Variants in HEATR4 observed in about 807,000 individuals in gnomAD.
HEATR4 encodes the protein HEAT repeat-containing protein 4.
HEATR4 carries 95 observed loss-of-function variants against 108.8 expected under a neutral mutation model. The ratio of observed to expected loss-of-function variants is 0.87; its 90% CI spans 0.74 to 1.04. HEATR4 has a LOEUF of 1.04. HEATR4 is among the 50% of genes least tolerant of loss of function. HEATR4 has a pLI of 0.00. For synonymous variants in HEATR4, 443 were observed against 459.4 expected (o/e 0.96, Z 0.46); for missense variants, 1,152 against 1,253.8 (o/e 0.92, Z 1.23).
At chr14:73,599,566 G>A in the HEATR4 span, among the ~76,000 whole-genome samples, 21,634 of 152,042 alleles carry the variant, frequency 0.14, 2,187 homozygotes, top group Non-Finnish European at 0.22. Context: ...CCCTTCCTGA[G>A]TTCCCAATTG....
At chr14:73,522,016 G>T (rs1888000718) in intron 3 of HEATR4, among the ~76,000 whole-genome samples, 1 of 152,204 alleles carries the variant, frequency 6.6e-6, no homozygotes, top group Admixed American at 6.5e-5. Context: ...TGCTCTGGTG[G>T]GTATGAGCCA....
At chr14:73,573,598 C>G in the HEATR4 span, 12 of 1,613,502 alleles carry the variant, frequency 7.4e-6, 1 homozygote, top group South Asian at 6.6e-5. Context: ...GAGGTTAGTT[C>G]TTCTTTCAGA....
At chr14:73,518,594 A>C (rs1436667826) in intron 5 of HEATR4, among the ~76,000 whole-genome samples, 1 of 152,172 alleles carries the variant, frequency 6.6e-6, no homozygotes, top group Non-Finnish European at 1.5e-5. Context: ...AGAGTGAAGA[A>C]TGATGAACTT....
intron 1 of HEATR4, among the ~76,000 whole-genome samples, chr14:73,535,668 A>C: frequency 9.2e-6 from 1 of 108,696 alleles, no homozygotes; most frequent in Non-Finnish European, 2.0e-5. Flanking sequence ...TTTAGTAGAG[A>C]CGGAGTTTCA....
intron 1 of HEATR4, among the ~76,000 whole-genome samples, chr14:73,546,873 G>C: frequency 9.8e-6 from 1 of 102,054 alleles, no homozygotes; most frequent in Non-Finnish European, 2.2e-5. Context: ...GATCACCTGA[G>C]GTCAGGAGTT....
At chr14:73,544,155 G>T (rs1362898497) in intron 1 of HEATR4, among the ~76,000 whole-genome samples, 2 of 114,226 alleles carry the variant, frequency 1.8e-5, no homozygotes, top group South Asian at 5.6e-4. Flanking sequence ...TTAGCCGGGC[G>T]TGGTGGCGCA....
the HEATR4 span, among the ~76,000 whole-genome samples, chr14:73,565,285 ATCT>A: frequency 3.0e-4 from 46 of 152,172 alleles, no homozygotes; most frequent in African/African-American, 1.0e-3. Flanking sequence ...TCTTTTCTAA[ATCT>A]TCTTCAACAT....
chr14:73,521,962 T>C (rs999249244), intron 3 of HEATR4, among the ~76,000 whole-genome samples: 7 of 152,226 alleles, frequency 4.6e-5, no homozygotes, highest in Non-Finnish European at 1.0e-4. Context: ...TGGAGACATC[T>C]GGCAGTGTCT....
the HEATR4 span, among the ~76,000 whole-genome samples, chr14:73,622,500 T>G: frequency 6.6e-6 from 1 of 152,078 alleles, no homozygotes; most frequent in African/African-American, 2.4e-5. Flanking sequence ...CCTCCTGGGT[T>G]CAAGTGATTC....
At chr14:73,535,469 C>CTTTTTTTTTTTTTTTTTTTTTT (rs869167008) in intron 1 of HEATR4, among the ~76,000 whole-genome samples, 1 of 16,540 alleles carries the variant, frequency 6.0e-5, no homozygotes, top group Non-Finnish European at 2.8e-4. Flanking sequence ...TTTCTTCTTT[C>CTTTTTTTTTTTTTTTTTTTTTT]TTTTTTTTTT....
rs1309330780 is a variant in HEATR4, at chr14:73,541,977, TC to T, written c.-151-11734del. ...TTCAAGTGATTCTTGTGCCCCAGCC[TC>T]CCAAGTAGCTGGGATTACAGGCACC... On this transcript the variant is annotated intron_variant, in intron 1 of 17. Transcript: ENST00000553558. 6.2e-5 allele frequency among the ~76,000 whole-genome samples: 7 copies of T among 112,304 alleles called. 2 individuals carry two copies. The highest frequency in any genetic ancestry group is 2.1e-4 in the African/African-American group (7 of 33,310). The allele number at this position is 112,304 out of a possible 152,430, so 73.7% of individuals were successfully genotyped here. A position where few individuals can be genotyped will look rare whatever the true frequency, so the allele number is the denominator to read the frequency against.
Position 73,479,419 on chromosome 14 carries a change from T to TTCTTTCTTTCTTTC in HEATR4, c.2845-578_2845-577insGAAAGAAAGAAAGA, listed in dbSNP as rs1555386802. Among the ~76,000 whole-genome samples the TTCTTTCTTTCTTTC allele has an allele frequency of 8.8e-4, 93 of 105,140 alleles. 1 individual carries two copies. The highest frequency in any genetic ancestry group is 5.4e-3 in the Middle Eastern group (1 of 184). The allele number at this position is 105,140 out of a possible 152,430, so 69.0% of individuals were successfully genotyped here. ...GTCAGCCACTGCGCCCGGCGTTTTT[T>TTCTTTCTTTCTTTC]TTTCTTTCTTTCTTTCTTTCTTTTT... is the stretch of plus-strand genomic sequence containing the variant. On this transcript the variant is annotated intron_variant, in intron 17 of 17. Transcript: ENST00000553558.
intron 2 of HEATR4, among the ~76,000 whole-genome samples, chr14:73,524,305 A>AAAG: frequency 9.0e-6 from 1 of 110,814 alleles, no homozygotes; most frequent in African/African-American, 4.0e-5. Context: ...AAAAAAAAAA[A>AAAG]AAAAAATATA....
chr14:73,621,507 C>T, the HEATR4 span, among the ~76,000 whole-genome samples: 74 of 152,284 alleles, frequency 4.9e-4, no homozygotes, highest in Middle Eastern at 3.4e-3. Flanking sequence ...ATACTGGGCA[C>T]TATCTAGAGT....
At chr14:73,569,837 G>A in the HEATR4 span, 2 of 1,604,184 alleles carry the variant, frequency 1.2e-6, no homozygotes, top group Non-Finnish European at 1.7e-6. Flanking sequence ...TGCGGCGCGA[G>A]CCGGTGCGCG....
chr14:73,518,557 G>T (rs757976515), intron 5 of HEATR4, among the ~76,000 whole-genome samples: 1 of 152,130 alleles, frequency 6.6e-6, no homozygotes, highest in Non-Finnish European at 1.5e-5. Flanking sequence ...TAATTTCTTG[G>T]TCACCTTCTT....
rs115648960 is a variant in HEATR4, at chr14:73,523,256, C to A, written c.-72-32G>T. On this transcript the variant is annotated intron_variant, in intron 2 of 17. Transcript: ENST00000553558. ...AGGGAATGGGAGGAACTGATGAGAA[C>A]TCTAGAGCAGCAGAAATTGGTAGCC... The A allele has an allele frequency of 8.5e-4, 990 of 1,165,780 alleles. 9 individuals carry two copies. The African/African-American group carries it at 0.014, about 16-fold the overall frequency. 72.2% of individuals were successfully genotyped at this position (1,165,780 alleles called of 1,614,324 possible).
chr14:73,573,532 A>G, the HEATR4 span: 1 of 1,613,554 alleles, frequency 6.2e-7, no homozygotes, highest in Non-Finnish European at 8.5e-7. Context: ...AAGACCATGG[A>G]GACGCTCCAT....
the HEATR4 span, among the ~76,000 whole-genome samples, chr14:73,600,932 G>A: frequency 6.6e-6 from 1 of 151,988 alleles, no homozygotes; most frequent in Admixed American, 6.5e-5. Context: ...TGAGAGGTCA[G>A]GAGTTCGAGA....
Sources: allele counts gnomAD v4.1 joint callset (sites outside exome capture counted in the v4.1 genomes callset), GRCh38; gene constraint gnomAD v4.1.1; transcripts MANE v1.5; gene names NCBI Gene and HGNC (gene_info 2026-07-23, HGNC 2026-07-21).